The following CCSER1 variants were observed in gnomAD, a reference collection of about 807,000 sequenced individuals.
CCSER1 encodes serine-rich coiled-coil domain-containing protein 1.
A neutral mutation model predicts 82.0 loss-of-function variants in CCSER1; 41 were observed. The ratio of observed to expected loss-of-function variants is 0.50; its 90% confidence interval spans 0.39 to 0.65. The LOEUF is 0.65. Ranked by LOEUF, CCSER1 falls within the 30% of genes least tolerant of loss-of-function variation. CCSER1 has a pLI of 0.00. For missense variants in CCSER1, 1,119 were observed against 1,064.2 expected, an observed-to-expected ratio of 1.05 and a Z score of -0.72; for synonymous variants, 414 against 383.9, an observed-to-expected ratio of 1.08 and a Z score of -0.92.
At chr4:90,494,603 G>A (rs1768676639) in intron 5 of CCSER1, among the ~76,000 whole-genome samples, 2 of 152,090 alleles carry the variant, frequency 1.3e-5, no homozygotes, top group African/African-American at 2.4e-5. Flanking sequence ...TTGAATCTCA[G>A]GGATTTATCC....
chr4:91,386,952 G>A (rs1751339141), intron 10 of CCSER1, among the ~76,000 whole-genome samples: 1 of 151,842 alleles, frequency 6.6e-6, no homozygotes, highest in Admixed American at 6.6e-5. Flanking sequence ...CAGATTTATG[G>A]GGACTAAAAA....
At chr4:90,242,555 A>C (rs1402361957) in intron 1 of CCSER1, among the ~76,000 whole-genome samples, 1 of 152,236 alleles carries the variant, frequency 6.6e-6, no homozygotes, top group African/African-American at 2.4e-5. Context: ...AATGATGGAC[A>C]AGAACATGAA....
At chr4:90,311,837 TACTC>T (rs1433877400) in intron 2 of CCSER1, among the ~76,000 whole-genome samples, 2 of 152,230 alleles carry the variant, frequency 1.3e-5, no homozygotes, top group East Asian at 3.8e-4. Flanking sequence ...TTTTTTCATT[TACTC>T]ATTCATTCAT....
chr4:91,352,923 C>T (rs1164216450), intron 10 of CCSER1, among the ~76,000 whole-genome samples: 1 of 151,934 alleles, frequency 6.6e-6, no homozygotes, highest in Non-Finnish European at 1.5e-5. Context: ...AATATACAAT[C>T]AGGTAATATT....
intron 8 of CCSER1, among the ~76,000 whole-genome samples, chr4:90,882,204 G>T (rs1262184274): frequency 6.6e-6 from 1 of 151,918 alleles, no homozygotes; most frequent in Non-Finnish European, 1.5e-5. Flanking sequence ...AAATGTGAAT[G>T]AAAATACATC....
chr4:91,565,987 T>G (rs1463841062), intron 10 of CCSER1, among the ~76,000 whole-genome samples: 2 of 152,070 alleles, frequency 1.3e-5, no homozygotes, highest in Non-Finnish European at 2.9e-5. Flanking sequence ...GGGTAATGCT[T>G]CTTGCTTTTG....
intron 4 of CCSER1, among the ~76,000 whole-genome samples, chr4:90,448,444 AATATATATATATATATATATATATATAT>A (rs70963067): frequency 9.1e-5 from 4 of 44,100 alleles, no homozygotes; most frequent in South Asian, 1.8e-3. Context: ...AGGTGAATTG[AATATATATATATATATATATATATATAT>A]ATATATATAT....
rs949938212 is a variant in CCSER1 at position 91,434,343 on chromosome 4, A to G, written c.2218-164229A>G. On this transcript the variant is annotated intron_variant, in intron 10 of 10. Transcript: ENST00000509176. Reference sequence around the variant, plus strand: ...AAAACGGCGTAGCAACTCAATAGGCAGAAAATTGATGGGAAGGATCCAGGT... The same window carrying G: ...AAAACGGCGTAGCAACTCAATAGGCGGAAAATTGATGGGAAGGATCCAGGT... 5.9e-5 allele frequency among the ~76,000 whole-genome samples: 9 copies of G among 152,314 alleles called. 1 individual carries two copies. The highest frequency in any genetic ancestry group is 4.6e-4 in the Admixed American group (7 of 15,292).
chr4:90,264,592 G>T (rs929871572), intron 1 of CCSER1, among the ~76,000 whole-genome samples: 3 of 152,068 alleles, frequency 2.0e-5, no homozygotes, highest in African/African-American at 7.2e-5. Context: ...CTTTTTGTAG[G>T]TTGTTTTTGT....
At chr4:91,055,770 C>G (rs1185104931) in intron 9 of CCSER1, among the ~76,000 whole-genome samples, 1 of 145,932 alleles carries the variant, frequency 6.9e-6, no homozygotes, top group Admixed American at 6.9e-5. Flanking sequence ...CCTTCTCCCT[C>G]TATACCTCTC....
intron 10 of CCSER1, among the ~76,000 whole-genome samples, chr4:91,429,658 C>T (rs1250305291): frequency 1.3e-5 from 2 of 151,792 alleles, no homozygotes; most frequent in Non-Finnish European, 1.5e-5. Context: ...AATAAGGCCA[C>T]AAACTTTACT....
At chr4:90,271,842 ATATATATATATATATATATATTTT>A (rs1726384863) in intron 1 of CCSER1, among the ~76,000 whole-genome samples, 13 of 32,320 alleles carry the variant, frequency 4.0e-4, no homozygotes, top group African/African-American at 7.4e-4. Context: ...ATATATATAT[ATATATATATATATATATATATTTT>A]TTTTTTTTTT....
At position 91,140,518 on chromosome 4, in the gene CCSER1, A is replaced by G. The variant is rs568269688; in HGVS notation, c.2217+54524A>G. Among the ~76,000 whole-genome samples the G allele has an allele frequency of 2.0e-5, 3 of 152,226 alleles. No individual in the cohort carries two copies. In the South Asian group the frequency reaches 6.2e-4, roughly 32 times the overall value. On this transcript the variant is annotated intron_variant, in intron 10 of 10. Coordinates refer to ENST00000509176, the MANE Select transcript of CCSER1 (RefSeq NM_001145065.2). ...TTACATTCTTCTTTTCTGAGTCTAT[A>G]AAAAGTATAAAACACAATCTTTACC...
chr4:91,376,336 C>T (rs1230361482), intron 10 of CCSER1, among the ~76,000 whole-genome samples: 1 of 152,134 alleles, frequency 6.6e-6, no homozygotes, highest in South Asian at 2.1e-4. Flanking sequence ...GCCTATTGCT[C>T]TTAGGCTATG....
At chr4:90,920,208 T>C (rs571799929) in intron 8 of CCSER1, among the ~76,000 whole-genome samples, 2 of 151,660 alleles carry the variant, frequency 1.3e-5, no homozygotes, top group Non-Finnish European at 2.9e-5. Context: ...TCTGTATGGA[T>C]GCATACATAT....
At chr4:90,423,774 G>A (rs970859894) in intron 4 of CCSER1, among the ~76,000 whole-genome samples, 2 of 151,580 alleles carry the variant, frequency 1.3e-5, no homozygotes, top group Admixed American at 6.6e-5. Flanking sequence ...ACTGCACCAG[G>A]CCTAGGTGGT....
chr4:90,837,681 A>G (rs1430757906), intron 8 of CCSER1, among the ~76,000 whole-genome samples: 1 of 152,190 alleles, frequency 6.6e-6, no homozygotes, highest in Non-Finnish European at 1.5e-5. Flanking sequence ...GGAAGAGTTT[A>G]AAAGAACAGT....
intron 5 of CCSER1, among the ~76,000 whole-genome samples, chr4:90,611,365 A>G (rs1785478915): frequency 6.6e-6 from 1 of 151,970 alleles, no homozygotes; most frequent in Non-Finnish European, 1.5e-5. Context: ...AATTCAGTAG[A>G]TCTTTTTAGT....
intron 10 of CCSER1, among the ~76,000 whole-genome samples, chr4:91,351,661 GTTC>G (rs1748478566): frequency 6.6e-6 from 1 of 152,006 alleles, no homozygotes; most frequent in Non-Finnish European, 1.5e-5. Context: ...TTTTAGATAT[GTTC>G]TTATTTAAAA....
Sources: gnomAD v4.1 joint callset for allele counts (sites outside exome capture counted in the v4.1 genomes callset) on GRCh38, gnomAD v4.1.1 for gene constraint, MANE v1.5 for transcripts, NCBI Gene and HGNC (gene_info 2026-07-23, HGNC 2026-07-21) for gene names.